The following ARHGAP35 variants were observed in gnomAD, a reference collection of about 807,000 sequenced individuals.
ARHGAP35 encodes rho GTPase-activating protein 35.
Under a neutral mutation model 111.1 loss-of-function variants are expected in ARHGAP35, and 15 were observed. The observed-to-expected ratio is 0.13, with a 90% CI of 0.09 to 0.21. The LOEUF (loss-of-function observed/expected upper bound fraction) is 0.21, where lower values mean the gene tolerates loss of function less well. Among genes scored for constraint, ARHGAP35 ranks in the 10% least tolerant of loss-of-function variants. ARHGAP35 has a pLI of 1.00. For synonymous variants in ARHGAP35, 643 were observed against 710.3 expected (o/e 0.91, Z 1.51); for missense variants, 1,262 against 1,873.0 (o/e 0.67, Z 6.02).
chr19:46,932,149 G>T (rs1028535484), intron 2 of ARHGAP35, among the ~76,000 whole-genome samples: 1 of 152,202 alleles, frequency 6.6e-6, no homozygotes, highest in African/African-American at 2.4e-5. Context: ...GGGCATGGTG[G>T]CTCATGCCTA....
chr19:46,887,202 TG>T (rs1489475693), intron 1 of ARHGAP35, among the ~76,000 whole-genome samples: 1 of 151,554 alleles, frequency 6.6e-6, no homozygotes, highest in East Asian at 1.9e-4. Flanking sequence ...TTGGTGAAGA[TG>T]GGGGGTGGGG....
chr19:46,882,727 C>A (rs941155640), intron 1 of ARHGAP35, among the ~76,000 whole-genome samples: 1 of 152,058 alleles, frequency 6.6e-6, no homozygotes, highest in Non-Finnish European at 1.5e-5. Flanking sequence ...TGTTCAACTC[C>A]CACTTTTGAG....
At chr19:46,983,833 A>T (rs575139628) in intron 3 of ARHGAP35, among the ~76,000 whole-genome samples, 150 of 151,394 alleles carry the variant, frequency 9.9e-4, no homozygotes, top group Non-Finnish European at 1.8e-3. Context: ...ACCAGGATGG[A>T]CTCGATCTCC....
chr19:46,938,891 G>C (rs775250038), intron 3 of ARHGAP35, among the ~76,000 whole-genome samples: 1 of 150,886 alleles, frequency 6.6e-6, no homozygotes, highest in South Asian at 2.1e-4. Context: ...TCCTGACCTC[G>C]TGATCCGCCC....
chr19:46,888,330 TTA>T (rs1491457418), intron 1 of ARHGAP35, among the ~76,000 whole-genome samples: 3 of 55,254 alleles, frequency 5.4e-5, no homozygotes, highest in African/African-American at 2.4e-4. Context: ...AATATTGATT[TTA>T]TACACACACA....
At chr19:46,977,154 G>A (rs1292122877) in intron 3 of ARHGAP35, among the ~76,000 whole-genome samples, 2 of 152,310 alleles carry the variant, frequency 1.3e-5, no homozygotes, top group African/African-American at 2.4e-5. Flanking sequence ...TGCAGGGGGC[G>A]TGGCCCTGTG....
chr19:46,983,045 C>T (rs534349000), intron 3 of ARHGAP35, among the ~76,000 whole-genome samples: 6 of 84,668 alleles, frequency 7.1e-5, no homozygotes, highest in Non-Finnish European at 1.3e-4. Context: ...CAAAGCAAGA[C>T]CTTGTGTACA....
intron 1 of ARHGAP35, among the ~76,000 whole-genome samples, chr19:46,881,555 G>C (rs2055962635): frequency 1.3e-5 from 2 of 152,236 alleles, no homozygotes; most frequent in South Asian, 4.2e-4. Flanking sequence ...AGGTCTCAAT[G>C]GTGGGCTTAA....
chr19:46,974,498 C>A (rs1165497897), intron 3 of ARHGAP35, among the ~76,000 whole-genome samples: 1 of 152,184 alleles, frequency 6.6e-6, no homozygotes, highest in Non-Finnish European at 1.5e-5. Context: ...AACTCAGGAA[C>A]AACCAAATGG....
intron 1 of ARHGAP35, among the ~76,000 whole-genome samples, chr19:46,861,800 C>T (rs1261060084): frequency 6.6e-6 from 1 of 152,088 alleles, no homozygotes; most frequent in Non-Finnish European, 1.5e-5. Context: ...GGGAGCTGTC[C>T]CTTTAGGACC....
intron 3 of ARHGAP35, among the ~76,000 whole-genome samples, chr19:46,959,942 AT>A (rs1172558139): frequency 1.5e-3 from 219 of 145,128 alleles, no homozygotes; most frequent in Middle Eastern, 3.5e-3. Context: ...TACAAAAAAA[AT>A]TTTTTTTTTT....
intron 3 of ARHGAP35, among the ~76,000 whole-genome samples, chr19:46,953,416 C>T (rs2056423071): frequency 2.0e-5 from 3 of 152,092 alleles, no homozygotes. Flanking sequence ...ACAGAGAGAA[C>T]AGCAAGTGCA....
chr19:46,965,113 G>A (rs1001170571), intron 3 of ARHGAP35, among the ~76,000 whole-genome samples: 1 of 152,182 alleles, frequency 6.6e-6, no homozygotes, highest in Non-Finnish European at 1.5e-5. Context: ...AGGAGTTTGA[G>A]ACCAGCCTGG....
chr19:46,922,935 C>CG lies in ARHGAP35; in HGVS notation c.3681+579_3681+580insG, dbSNP rs2056212297. ...GTATTTGTTAAATTGGAATACCATCCAGTCTATTATTTTATCTTCAAGGGA... is the reference window on the plus strand; with the variant it reads ...GTATTTGTTAAATTGGAATACCATCCGAGTCTATTATTTTATCTTCAAGGGA... On this transcript the variant is annotated intron_variant, in intron 2 of 6. Transcript: ENST00000672722. The surrounding 1 kb of genome is among the most constrained non-coding windows in gnomAD (Gnocchi z 4.0). Among the ~76,000 whole-genome samples the CG allele has an allele frequency of 6.6e-6, 1 of 152,082 alleles. No homozygotes were observed. The highest frequency in any genetic ancestry group is 1.5e-5 in the Non-Finnish European group (1 of 68,002).
At chr19:46,876,087 C>T (rs2055918445) in intron 1 of ARHGAP35, among the ~76,000 whole-genome samples, 1 of 151,940 alleles carries the variant, frequency 6.6e-6, no homozygotes, top group Non-Finnish European at 1.5e-5. Flanking sequence ...TTAGGCACGT[C>T]GTCTTAAAAA....
chr19:46,969,084 CA>C (rs200260051), intron 3 of ARHGAP35, among the ~76,000 whole-genome samples: 2 of 147,918 alleles, frequency 1.4e-5, no homozygotes, highest in Non-Finnish European at 1.5e-5. Context: ...AGGACTGTCT[CA>C]AAAAAAAAAT....
chr19:46,995,166 C>T lies in ARHGAP35; in HGVS notation c.4037-4138C>T, dbSNP rs532494895. Among the ~76,000 whole-genome samples, 10 of 152,298 alleles carry T rather than the reference C, an allele frequency of 6.6e-5. No individual in the cohort carries two copies. In the East Asian group the frequency reaches 1.9e-3, roughly 29 times the overall value. On this transcript the variant is annotated intron_variant, in intron 5 of 6. Coordinates refer to ENST00000672722, the MANE Select transcript of ARHGAP35 (RefSeq NM_004491.5). ...GTACAGTGGCTCATACCTGTAATCC[C>T]AGCACTTTGGGAGGCCAAGGCGGGC...
chr19:46,924,088 C>G (rs1307611875), intron 2 of ARHGAP35, among the ~76,000 whole-genome samples: 2 of 152,078 alleles, frequency 1.3e-5, no homozygotes, highest in African/African-American at 2.4e-5. Flanking sequence ...AAAGCTTTTG[C>G]TACTCTCCCT....
At chr19:46,958,240 C>T (rs1052048802) in intron 3 of ARHGAP35, among the ~76,000 whole-genome samples, 4 of 150,882 alleles carry the variant, frequency 2.7e-5, no homozygotes, top group Admixed American at 1.3e-4. Context: ...AACAATTAGC[C>T]GGGCATGGTG....
Sources: allele counts gnomAD v4.1 joint callset (sites outside exome capture counted in the v4.1 genomes callset), GRCh38; gene constraint gnomAD v4.1.1; non-coding constraint Gnocchi (gnomAD v3.1); transcripts MANE v1.5; gene names NCBI Gene and HGNC (gene_info 2026-07-23, HGNC 2026-07-21).